ASIC2: variants seen among roughly 807,000 people sequenced by gnomAD.
ASIC2 encodes the protein acid-sensing ion channel 2.
Under a neutral mutation model 57.3 loss-of-function variants are expected in ASIC2, and 25 were observed. The ratio of observed to expected loss-of-function variants is 0.44; its 90% CI spans 0.32 to 0.61. The LOEUF is 0.61. Among genes scored for constraint, ASIC2 ranks in the 20% least tolerant of loss-of-function variants. The pLI is 0.06. For synonymous variants in ASIC2, 319 were observed against 307.5 expected (o/e 1.04, Z -0.39); for missense variants, 641 against 738.1 (o/e 0.87, Z 1.52).
chr17:33,399,011 C>T (rs933131841), intron 1 of ASIC2, among the ~76,000 whole-genome samples: 1 of 152,110 alleles, frequency 6.6e-6, no homozygotes, highest in Non-Finnish European at 1.5e-5. Context: ...AGTGATGCTG[C>T]CATTTTGTGG....
intron 1 of ASIC2, among the ~76,000 whole-genome samples, chr17:34,008,700 C>T (rs2142019697): frequency 6.6e-6 from 1 of 152,214 alleles, no homozygotes; most frequent in Admixed American, 6.5e-5. Context: ...ACACTTGGCC[C>T]CTGTATGGAG....
At chr17:33,088,819 G>T in intron 3 of ASIC2, 44 bp downstream of exon 3, 1 of 1,565,374 alleles carries the variant, frequency 6.4e-7, no homozygotes, top group East Asian at 2.3e-5. Context: ...CAGGGGGTCG[G>T]GGGAGGCTGA....
At chr17:33,296,542 G>C (rs1478010572), upstream of ASIC2, among the ~76,000 whole-genome samples, 1 of 152,072 alleles carries the variant, frequency 6.6e-6, no homozygotes, top group Non-Finnish European at 1.5e-5. Flanking sequence ...TAAGTTTTTA[G>C]GAAAATTTCC....
intron 1 of ASIC2, among the ~76,000 whole-genome samples, chr17:33,216,557 T>TG (rs1238365654): frequency 3.9e-5 from 6 of 152,180 alleles, no homozygotes; most frequent in Admixed American, 2.0e-4. Flanking sequence ...AAGCAGGGTT[T>TG]GCAAAGACTT....
rs769709923 is a variant in ASIC2 at position 33,952,133 on chromosome 17, TGA to T, written c.555+203843_555+203844del. Among the ~76,000 whole-genome samples, 307 of 152,182 alleles carry T rather than the reference TGA, an allele frequency of 2.0e-3. 1 individual carries two copies. The highest frequency in any genetic ancestry group is 3.9e-3 in the Non-Finnish European group (266 of 68,006). The stretch of plus-strand genomic sequence containing the variant: ...TTTCAACTGGGAGAGAGAAAGAGAA[TGA>T]GAGAGAATGAGAGAGAGGAGAGGAA... On this transcript the variant is annotated intron_variant, in intron 1 of 9. Transcript: ENST00000359872.
chr17:33,378,514 C>T (rs1181859459), intron 1 of ASIC2, among the ~76,000 whole-genome samples: 1 of 152,198 alleles, frequency 6.6e-6, no homozygotes, highest in Non-Finnish European at 1.5e-5. Context: ...CCTGCTGGCT[C>T]CATTCTGGGT....
chr17:33,507,578 G>A (rs572714154), intron 1 of ASIC2, among the ~76,000 whole-genome samples: 1 of 152,096 alleles, frequency 6.6e-6, no homozygotes, highest in Non-Finnish European at 1.5e-5. Flanking sequence ...CATTCTCATC[G>A]TTTTCTCTTT....
At chr17:33,169,099 GC>G (rs1905410480) in intron 1 of ASIC2, among the ~76,000 whole-genome samples, 1 of 152,190 alleles carries the variant, frequency 6.6e-6, no homozygotes, top group African/African-American at 2.4e-5. Context: ...TTGGGAACCT[GC>G]ACCCCACATT....
chr17:33,112,478 C>T (rs1333062449), intron 1 of ASIC2, among the ~76,000 whole-genome samples: 1 of 152,150 alleles, frequency 6.6e-6, no homozygotes, highest in Non-Finnish European at 1.5e-5. Flanking sequence ...TTGAGATGTG[C>T]TTCAAGCAGA....
chr17:33,097,486 G>A (rs756842292), intron 2 of ASIC2, among the ~76,000 whole-genome samples: 10 of 152,216 alleles, frequency 6.6e-5, no homozygotes, highest in South Asian at 2.1e-4. Context: ...ACCCCTTGAC[G>A]ATTTAGCTAA....
intron 1 of ASIC2, among the ~76,000 whole-genome samples, chr17:33,420,943 G>A (rs1469691122): frequency 1.3e-5 from 2 of 152,192 alleles, no homozygotes; most frequent in Non-Finnish European, 1.5e-5. Context: ...TTTGCACAAC[G>A]TCTGAGGAAG....
chr17:34,080,916 T>G (rs1258071406), intron 1 of ASIC2: 2 of 152,144 alleles, frequency 1.3e-5, no homozygotes, highest in Non-Finnish European at 2.9e-5. Flanking sequence ...CAGAGTCAGC[T>G]GGAAAAATTA....
intron 1 of ASIC2, among the ~76,000 whole-genome samples, chr17:34,027,629 G>A (rs1407611932): frequency 2.0e-5 from 3 of 152,196 alleles, no homozygotes; most frequent in Non-Finnish European, 2.9e-5. Context: ...GACTGAGGCC[G>A]AGCCTGATTT....
At chr17:33,029,664 G>A (rs1009767097) in intron 3 of ASIC2, among the ~76,000 whole-genome samples, 2 of 152,232 alleles carry the variant, frequency 1.3e-5, no homozygotes, top group African/African-American at 4.8e-5. Flanking sequence ...TGGAACAGCT[G>A]GTTTGTAAGA....
At chr17:33,548,080 T>C (rs1050798284) in intron 1 of ASIC2, among the ~76,000 whole-genome samples, 1 of 152,160 alleles carries the variant, frequency 6.6e-6, no homozygotes, top group African/African-American at 2.4e-5. Context: ...TAATTATATA[T>C]TAAAAAGTTT....
Position 33,540,641 on chromosome 17 carries a change from C to T in ASIC2, c.556-428574G>A, listed in dbSNP as rs192373509. Reference sequence around the variant, plus strand: ...TTAGTCACTCCTGTGAGTTCTTGGACTCACTCCTGTGAGTCTCTCAAGAGT... The same window carrying T: ...TTAGTCACTCCTGTGAGTTCTTGGATTCACTCCTGTGAGTCTCTCAAGAGT... On this transcript the variant is annotated intron_variant, in intron 1 of 9. Transcript: ENST00000359872. Among the ~76,000 whole-genome samples, 4 of 152,248 alleles carry T rather than the reference C, an allele frequency of 2.6e-5. No individual in the cohort carries two copies. In the East Asian group the frequency reaches 5.8e-4, roughly 22 times the overall value.
chr17:33,681,648 T>C (rs1908004504), intron 1 of ASIC2, among the ~76,000 whole-genome samples: 1 of 152,244 alleles, frequency 6.6e-6, no homozygotes, highest in Non-Finnish European at 1.5e-5. Flanking sequence ...AGCTTTGGGC[T>C]GTTACTCACG....
chr17:33,217,452 C>G (rs766470919), intron 1 of ASIC2, among the ~76,000 whole-genome samples: 1 of 152,200 alleles, frequency 6.6e-6, no homozygotes, highest in South Asian at 2.1e-4. Context: ...TGCACGATTG[C>G]GTAGTCTATT....
At chr17:33,634,427 A>T (rs890406035) in intron 1 of ASIC2, among the ~76,000 whole-genome samples, 20 of 152,264 alleles carry the variant, frequency 1.3e-4, no homozygotes, top group Admixed American at 3.9e-4. Context: ...TAGCTTGTTC[A>T]TTCAAAAAAG....
Sources: allele counts gnomAD v4.1 joint callset (sites outside exome capture counted in the v4.1 genomes callset), GRCh38; gene constraint gnomAD v4.1.1; transcripts MANE v1.5; gene names NCBI Gene and HGNC (gene_info 2026-07-23, HGNC 2026-07-21).